THADA: variants seen among roughly 807,000 people sequenced by gnomAD.
THADA encodes the protein THADA armadillo repeat containing.
Under a neutral mutation model 219.8 loss-of-function variants are expected in THADA, and 213 were observed. The observed-to-expected ratio is 0.97, with a 90% CI of 0.87 to 1.09. THADA has a LOEUF of 1.09. THADA is among the 50% of genes least tolerant of loss of function. The pLI, the probability that THADA is intolerant of heterozygous loss-of-function variation, is 0.00. For synonymous variants in THADA, 1,018 were observed against 828.9 expected (o/e 1.23, Z -3.92); for missense variants, 2,956 against 2,311.3 (o/e 1.28, Z -5.72).
intron 36 of THADA, among the ~76,000 whole-genome samples, chr2:43,255,771 C>T (rs1670244189): frequency 6.6e-6 from 1 of 152,332 alleles, no homozygotes; most frequent in Non-Finnish European, 1.5e-5. Context: ...AAGCCTCTGT[C>T]TGTACTAAAC....
chr2:43,402,588 C>T (rs547164708), intron 28 of THADA, among the ~76,000 whole-genome samples: 1 of 152,266 alleles, frequency 6.6e-6, no homozygotes, highest in South Asian at 2.1e-4. Context: ...AGTGGCTATA[C>T]ATCACCAAAA....
intron 1 of THADA, among the ~76,000 whole-genome samples, chr2:43,593,298 G>C (rs1317410872): frequency 6.6e-6 from 1 of 152,168 alleles, no homozygotes; most frequent in Non-Finnish European, 1.5e-5. Flanking sequence ...CAGAAAGAGA[G>C]GCTGGAGAGG....
At chr2:43,389,049 C>T (rs1333664771) in intron 29 of THADA, among the ~76,000 whole-genome samples, 5 of 152,114 alleles carry the variant, frequency 3.3e-5, no homozygotes, top group Middle Eastern at 3.2e-3. Flanking sequence ...ACCCACTTCC[C>T]GCATATTAAC....
chr2:43,580,181 C>T (rs1348066618), intron 8 of THADA, among the ~76,000 whole-genome samples: 7 of 144,650 alleles, frequency 4.8e-5, no homozygotes, highest in South Asian at 2.3e-4. Context: ...CACGCCACCA[C>T]GCCCAGCTAA....
At chr2:43,546,421 T>C (rs1299226400) in intron 20 of THADA, among the ~76,000 whole-genome samples, 1 of 152,184 alleles carries the variant, frequency 6.6e-6, no homozygotes. Flanking sequence ...TTCCTGGATA[T>C]CCTTGTTAAC....
At chr2:43,470,162 C>G (rs944510913) in intron 26 of THADA, among the ~76,000 whole-genome samples, 3 of 148,186 alleles carry the variant, frequency 2.0e-5, no homozygotes, top group Non-Finnish European at 4.4e-5. Context: ...GGGCTGAGAT[C>G]GCCCCACTGC....
chr2:43,570,904 C>A (rs1699220410), intron 13 of THADA, among the ~76,000 whole-genome samples: 1 of 152,132 alleles, frequency 6.6e-6, no homozygotes, highest in Admixed American at 6.5e-5. Context: ...ACCTTAACTC[C>A]AGCATTAGAC....
chr2:43,337,121 C>T (rs998232009), intron 30 of THADA, among the ~76,000 whole-genome samples: 2 of 152,214 alleles, frequency 1.3e-5, no homozygotes, highest in Non-Finnish European at 2.9e-5. Flanking sequence ...CAATCTGACC[C>T]GAATGCACTG....
chr2:43,449,661 T>C (rs1682063927), intron 26 of THADA, among the ~76,000 whole-genome samples: 1 of 152,020 alleles, frequency 6.6e-6, no homozygotes. Context: ...CCCAGCTACT[T>C]GGGAAGCTGA....
At chr2:43,295,609 C>T (rs1675276549) in intron 31 of THADA, among the ~76,000 whole-genome samples, 2 of 152,208 alleles carry the variant, frequency 1.3e-5, no homozygotes, top group African/African-American at 4.8e-5. Flanking sequence ...AAGTGATACG[C>T]ATTTATAGCT....
chr2:43,492,412 C>T (rs1464273337), intron 25 of THADA: 1 of 151,358 alleles, frequency 6.6e-6, no homozygotes, highest in Admixed American at 6.6e-5. Context: ...GTATATTTTT[C>T]TTATCTATGT....
intron 25 of THADA, among the ~76,000 whole-genome samples, chr2:43,490,813 T>C (rs1357355604): frequency 2.0e-5 from 3 of 152,148 alleles, no homozygotes; most frequent in South Asian, 2.1e-4. Flanking sequence ...ACAGAATCCA[T>C]AGGGTTTAGT....
In THADA at chr2:43,586,707, T is replaced by C. The variant is rs748059357; in HGVS notation, c.479A>G (p.Lys160Arg). The C allele has an allele frequency of 6.2e-7, 1 of 1,611,640 alleles. No individual in the cohort carries two copies. The highest frequency in any genetic ancestry group is 1.3e-5 in the African/African-American group (1 of 74,796). ...LGRASVNNLLKNVLHFLQKSL... is the reference protein window; with the variant it reads ...LGRASVNNLLRNVLHFLQKSL... ...AATAAAATAATAGGACTTACCATTT[T>C]TAAGCAGATTATTAACACTTGCTCT... The change falls in exon 6 of 38, where the codon AAA becomes AGA. Residue 160 changes from lysine to arginine, a missense_variant. Coordinates refer to ENST00000405975, the MANE Select transcript of THADA (RefSeq NM_022065.5).
chr2:43,512,496 T>G (rs1690615321), intron 22 of THADA, among the ~76,000 whole-genome samples: 1 of 152,202 alleles, frequency 6.6e-6, no homozygotes, highest in Non-Finnish European at 1.5e-5. Context: ...TTTTGTTTGT[T>G]TGTTTTTGTT....
At chr2:43,538,437 G>T (rs550014650) in intron 21 of THADA, 2 of 152,292 alleles carry the variant, frequency 1.3e-5, no homozygotes, top group African/African-American at 4.8e-5. Flanking sequence ...GCCTCTGAAT[G>T]AACACATTTT....
intron 10 of THADA, among the ~76,000 whole-genome samples, 182 bp downstream of exon 10, chr2:43,576,840 A>G (rs1490527206): frequency 6.6e-6 from 1 of 152,158 alleles, no homozygotes; most frequent in East Asian, 1.9e-4. Flanking sequence ...AGTTTTGTAC[A>G]GACACAGTCT....
chr2:43,441,564 C>T lies in THADA; in HGVS notation c.3837-11262G>A, dbSNP rs1680847045. On this transcript the variant is annotated intron_variant, in intron 26 of 37. Coordinates refer to ENST00000405975, the MANE Select transcript of THADA (RefSeq NM_022065.5). ...ATTCTCAACTACACTAAAAGGTCTA[C>T]TGTAGACTCTACAGCATCTTGAATC... Among the ~76,000 whole-genome samples the T allele has an allele frequency of 2.0e-5, 3 of 152,220 alleles. No homozygotes were observed. In the South Asian group the frequency reaches 6.2e-4, roughly 31 times the overall value.
At chr2:43,546,235 C>T (rs9875367) in intron 20 of THADA, among the ~76,000 whole-genome samples, 48,498 of 150,906 alleles carry the variant, frequency 0.32, 8,105 homozygotes, top group South Asian at 0.41. Context: ...GTCTGAGAGA[C>T]AGTTTGTTAT....
chr2:43,256,417 G>A (rs887220838), intron 36 of THADA, among the ~76,000 whole-genome samples: 1 of 150,946 alleles, frequency 6.6e-6, no homozygotes. Flanking sequence ...TTTTGACATT[G>A]TATTTATTTA....
Sources: gnomAD v4.1 joint callset for allele counts (sites outside exome capture counted in the v4.1 genomes callset) on GRCh38, gnomAD v4.1.1 for gene constraint, MANE v1.5 for transcripts, NCBI Gene and HGNC (gene_info 2026-07-23, HGNC 2026-07-21) for gene names.